NELL2: variants seen among roughly 807,000 people sequenced by gnomAD.
The protein encoded by NELL2 is neural EGFL like 2, also known as protein kinase C-binding protein NELL2.
A neutral mutation model predicts 109.6 loss-of-function variants in NELL2; 41 were observed. The ratio of observed to expected loss-of-function variants is 0.37; its 90% CI spans 0.29 to 0.49. The LOEUF is 0.49. NELL2 is among the 20% of genes least tolerant of loss of function. The probability of loss-of-function intolerance (pLI) is 0.98; values close to 1 mark genes in which losing one functional copy is unlikely to be tolerated. For missense variants in NELL2, 900 were observed against 1,008.3 expected, an observed-to-expected ratio of 0.89 and a Z score of 1.45; for synonymous variants, 355 against 344.7, an observed-to-expected ratio of 1.03 and a Z score of -0.33.
At chr12:44,908,982 C>T (rs1945749943) in intron 1 of NELL2, among the ~76,000 whole-genome samples, 1 of 151,646 alleles carries the variant, frequency 6.6e-6, no homozygotes, top group South Asian at 2.1e-4. Context: ...TCACAGAACA[C>T]ATAAGAACAG....
intron 15 of NELL2, among the ~76,000 whole-genome samples, chr12:44,583,559 T>C (rs1440649885): frequency 6.6e-6 from 1 of 152,202 alleles, no homozygotes. Context: ...ATTTACCATA[T>C]GTCATGAACT....
At chr12:44,602,450 T>C (rs1945255650) in intron 15 of NELL2, among the ~76,000 whole-genome samples, 1 of 152,214 alleles carries the variant, frequency 6.6e-6, no homozygotes, top group Non-Finnish European at 1.5e-5. Flanking sequence ...CAGTAAAGTA[T>C]ATTTAATGAT....
intron 9 of NELL2, among the ~76,000 whole-genome samples, chr12:44,766,792 G>A (rs1026692070): frequency 6.6e-6 from 1 of 152,170 alleles, no homozygotes; most frequent in African/African-American, 2.4e-5. Flanking sequence ...TAGACAGTTT[G>A]ATTTAATTAT....
At chr12:44,607,134 A>T (rs752296080) in intron 15 of NELL2, 35 bp downstream of exon 15, 3 of 1,573,552 alleles carry the variant, frequency 1.9e-6, no homozygotes, top group Non-Finnish European at 2.6e-6. Context: ...TTGGCATAAA[A>T]ATTCATTTTC....
chr12:44,754,896 C>A (rs1055732947), intron 9 of NELL2, among the ~76,000 whole-genome samples: 11 of 152,134 alleles, frequency 7.2e-5, no homozygotes, highest in Non-Finnish European at 1.3e-4. Context: ...GATTTACTAT[C>A]GACAACTCTG....
At chr12:44,509,275 A>G (rs905979153) in intron 19 of NELL2, among the ~76,000 whole-genome samples, 2 of 152,220 alleles carry the variant, frequency 1.3e-5, no homozygotes, top group African/African-American at 4.8e-5. Context: ...GTAAGCACTA[A>G]GTATATTAAT....
At chr12:44,683,261 A>G (rs547074369) in intron 12 of NELL2, among the ~76,000 whole-genome samples, 2 of 152,158 alleles carry the variant, frequency 1.3e-5, no homozygotes, top group Admixed American at 6.5e-5. Context: ...ATTTTTGCAC[A>G]TTGATTTTGT....
At chr12:44,844,101 G>C (rs1438137625) in intron 2 of NELL2, among the ~76,000 whole-genome samples, 2 of 152,152 alleles carry the variant, frequency 1.3e-5, no homozygotes, top group African/African-American at 2.4e-5. Flanking sequence ...TGTGGCAAAA[G>C]GTGAAAGGGC....
intron 12 of NELL2, among the ~76,000 whole-genome samples, chr12:44,683,231 G>A (rs1278259393): frequency 6.6e-6 from 1 of 152,046 alleles, no homozygotes; most frequent in East Asian, 1.9e-4. Flanking sequence ...GCCTGTTATT[G>A]GTGTATAAGA....
At chr12:44,768,640 T>C (rs745689116) in intron 9 of NELL2, among the ~76,000 whole-genome samples, 1 of 152,212 alleles carries the variant, frequency 6.6e-6, no homozygotes, top group Non-Finnish European at 1.5e-5. Flanking sequence ...AGCTTTCAGC[T>C]CAATTTTTTG....
chr12:44,896,844 C>T (rs892642667), intron 1 of NELL2, among the ~76,000 whole-genome samples: 6 of 152,098 alleles, frequency 3.9e-5, no homozygotes, highest in East Asian at 1.9e-4. Flanking sequence ...TTTAGATGCA[C>T]GAGATGGACA....
chr12:44,899,433 G>A (rs941832459), intron 1 of NELL2, among the ~76,000 whole-genome samples: 7 of 152,144 alleles, frequency 4.6e-5, no homozygotes, highest in Non-Finnish European at 1.5e-5. Flanking sequence ...AACCCTACAA[G>A]CCAGAAGAGA....
intron 15 of NELL2, among the ~76,000 whole-genome samples, 156 bp from the exon 16 acceptor site, chr12:44,532,877 A>T (rs1300730450): frequency 6.6e-6 from 1 of 152,228 alleles, no homozygotes; most frequent in Non-Finnish European, 1.5e-5. Flanking sequence ...TAACAGCTAC[A>T]CAGAAAGAAT....
intron 13 of NELL2, among the ~76,000 whole-genome samples, chr12:44,615,900 C>T (rs1190605457): frequency 6.6e-6 from 1 of 152,112 alleles, no homozygotes; most frequent in Non-Finnish European, 1.5e-5. Context: ...AGGATGATAA[C>T]AACATGTTCA....
chr12:44,689,525 C>A (rs1318352794), intron 12 of NELL2, among the ~76,000 whole-genome samples: 2 of 152,160 alleles, frequency 1.3e-5, no homozygotes, highest in Admixed American at 1.3e-4. Flanking sequence ...ACCCACAGGG[C>A]CAGGCAGCCC....
At chr12:44,677,352 A>G (rs1225454082) in intron 12 of NELL2, among the ~76,000 whole-genome samples, 3 of 152,112 alleles carry the variant, frequency 2.0e-5, no homozygotes, top group African/African-American at 7.2e-5. Context: ...CACATGCTGT[A>G]AAATGTAAAA....
rs1275777724 is a variant in NELL2, at chr12:44,633,067, CAT to C, written c.1445-22099_1445-22098del. 4.6e-5 allele frequency among the ~76,000 whole-genome samples: 7 copies of C among 152,042 alleles called. No homozygotes were observed. In the East Asian group the frequency reaches 1.3e-3, roughly 29 times the overall value. ...ACAGGAGTCAAAGAAAACACACACA[CAT>C]GCATACACACACAAATACAAACAAC... is the stretch of plus-strand genomic sequence containing the variant. On this transcript the variant is annotated intron_variant, in intron 13 of 19. Transcript: ENST00000429094.
chr12:44,853,811 AT>A (rs1566535583), intron 2 of NELL2, among the ~76,000 whole-genome samples: 1 of 152,192 alleles, frequency 6.6e-6, no homozygotes, highest in Non-Finnish European at 1.5e-5. Context: ...ATAATTAGCA[AT>A]CTGATGACAT....
chr12:44,876,654 C>T (rs771555697), upstream of NELL2: 17 of 1,551,318 alleles, frequency 1.1e-5, no homozygotes, highest in Non-Finnish European at 1.4e-5. Context: ...GAAAAAAGAC[C>T]ACCCAGCTGC....
Sources: allele counts gnomAD v4.1 joint callset (sites outside exome capture counted in the v4.1 genomes callset), GRCh38; gene constraint gnomAD v4.1.1; transcripts MANE v1.5; gene names NCBI Gene and HGNC (gene_info 2026-07-23, HGNC 2026-07-21).